CDH11: variants seen among roughly 807,000 people sequenced by gnomAD.
The protein encoded by CDH11 is cadherin 11, also known as cadherin-11.
A neutral mutation model predicts 67.8 loss-of-function variants in CDH11; 11 were observed. That is an observed-to-expected ratio of 0.16 (90% CI 0.10 to 0.27). The LOEUF (loss-of-function observed/expected upper bound fraction) is 0.27, where lower values mean the gene tolerates loss of function less well. CDH11 is among the 10% of genes least tolerant of loss of function. The pLI, the probability that CDH11 is intolerant of heterozygous loss-of-function variation, is 1.00. For missense variants in CDH11, 847 were observed against 1,031.2 expected, an observed-to-expected ratio of 0.82 and a Z score of 2.45; for synonymous variants, 419 against 400.0, an observed-to-expected ratio of 1.05 and a Z score of -0.57.
intron 11 of CDH11, among the ~76,000 whole-genome samples, chr16:64,954,078 C>T (rs1286338579): frequency 6.6e-6 from 1 of 152,208 alleles, no homozygotes; most frequent in African/African-American, 2.4e-5. Context: ...GTAATTGAAA[C>T]TCAAACACCA....
intron 1 of CDH11, among the ~76,000 whole-genome samples, chr16:65,105,959 C>T (rs2075059932): frequency 6.6e-6 from 1 of 152,186 alleles, no homozygotes; most frequent in Non-Finnish European, 1.5e-5. Context: ...GCTTTGTTTT[C>T]ACAACTGTTC....
chr16:65,110,772 A>T (rs2075143542), intron 1 of CDH11, among the ~76,000 whole-genome samples: 1 of 151,932 alleles, frequency 6.6e-6, no homozygotes, highest in African/African-American at 2.4e-5. Flanking sequence ...TGGCCCTTTA[A>T]GCCCCTGGAG....
rs545816932 is a variant in CDH11, at chr16:64,993,261, A to G, written c.524-227T>C. Among the ~76,000 whole-genome samples, 9 of 148,392 alleles carry G rather than the reference A, an allele frequency of 6.1e-5. No homozygotes were observed. In the East Asian group the frequency reaches 1.8e-3, roughly 30 times the overall value. On this transcript the variant is annotated intron_variant, in intron 4 of 12. Coordinates refer to ENST00000268603, the MANE Select transcript of CDH11 (RefSeq NM_001797.4). ...GCTCTATAAAAATGGCCACAGTTTA[A>G]AAATGAACTTTCTGTATTTATAGTA... is the stretch of plus-strand genomic sequence containing the variant.
At chr16:65,017,418 T>C (rs1210785138) in intron 2 of CDH11, among the ~76,000 whole-genome samples, 1 of 152,168 alleles carries the variant, frequency 6.6e-6, no homozygotes, top group Non-Finnish European at 1.5e-5. Flanking sequence ...TATTAGGGTC[T>C]CTTTTATTCA....
At chr16:64,964,081 C>T (rs990727113) in intron 11 of CDH11, among the ~76,000 whole-genome samples, 1 of 152,068 alleles carries the variant, frequency 6.6e-6, no homozygotes, top group Non-Finnish European at 1.5e-5. Flanking sequence ...TTTAATTGAC[C>T]TAACACAATA....
chr16:64,974,561 C>T (rs2072109418), intron 8 of CDH11, among the ~76,000 whole-genome samples: 1 of 152,166 alleles, frequency 6.6e-6, no homozygotes, highest in Non-Finnish European at 1.5e-5. Context: ...CGGCACTTCA[C>T]AGTATACAAA....
At chr16:64,979,477 C>T (rs2072270036) in intron 8 of CDH11, among the ~76,000 whole-genome samples, 3 of 151,932 alleles carry the variant, frequency 2.0e-5, no homozygotes, top group South Asian at 2.1e-4. Context: ...ATAAAAGATG[C>T]TTGGTGTCAC....
chr16:64,948,679 C>CA (rs1229664133), intron 12 of CDH11: 5 of 1,608,536 alleles, frequency 3.1e-6, no homozygotes, highest in Non-Finnish European at 4.2e-6. Flanking sequence ...CCCCAGAAGA[C>CA]AAAATCTTCT....
intron 2 of CDH11, among the ~76,000 whole-genome samples, chr16:65,036,712 A>C (rs1280070875): frequency 1.3e-5 from 2 of 152,134 alleles, no homozygotes; most frequent in African/African-American, 4.8e-5. Context: ...TCCAAAATGC[A>C]GACCCCCCTC....
chr16:65,010,965 A>G (rs201305424), intron 2 of CDH11, among the ~76,000 whole-genome samples: 158 of 103,752 alleles, frequency 1.5e-3, no homozygotes, highest in Middle Eastern at 5.1e-3. Context: ...ATATATATAT[A>G]TGTGTTTATA....
At chr16:65,089,185 T>C (rs1305559064) in intron 1 of CDH11, among the ~76,000 whole-genome samples, 1 of 152,088 alleles carries the variant, frequency 6.6e-6, no homozygotes, top group Non-Finnish European at 1.5e-5. Context: ...ATGAGTAACT[T>C]TCCTGCAACT....
chr16:65,001,800 TA>T (rs34584816), intron 3 of CDH11, among the ~76,000 whole-genome samples: 30 of 143,126 alleles, frequency 2.1e-4, no homozygotes, highest in South Asian at 4.5e-4. Context: ...ACACACACAT[TA>T]AAAAAAAAAA....
At chr16:64,986,511 C>T (rs1366100961) in intron 7 of CDH11, 1 of 151,874 alleles carries the variant, frequency 6.6e-6, no homozygotes. Flanking sequence ...ATTACATGAA[C>T]AGCAAAGGAT....
chr16:65,014,720 T>A (rs903574064), intron 2 of CDH11, among the ~76,000 whole-genome samples: 34 of 139,892 alleles, frequency 2.4e-4, no homozygotes, highest in South Asian at 6.6e-4. Flanking sequence ...ACGACGCAGA[T>A]GTAGACGGTT....
intron 1 of CDH11, among the ~76,000 whole-genome samples, chr16:65,111,303 A>G (rs564339916): frequency 1.3e-5 from 2 of 152,344 alleles, no homozygotes; most frequent in South Asian, 2.1e-4. Context: ...AGATACTGAC[A>G]TTAACCCCAG....
intron 1 of CDH11, among the ~76,000 whole-genome samples, chr16:65,104,854 C>T (rs1351205894): frequency 6.6e-6 from 1 of 152,186 alleles, no homozygotes; most frequent in East Asian, 1.9e-4. Flanking sequence ...CCCCAAAAGA[C>T]AAGGAAGTAC....
At chr16:64,998,928 G>C (rs2142511649) in intron 3 of CDH11, 72 bp from the exon 4 acceptor site, 1 of 1,222,174 alleles carries the variant, frequency 8.2e-7, no homozygotes, top group East Asian at 2.4e-5. Context: ...ACAAGTGATT[G>C]CAACAATCTG....
intron 2 of CDH11, among the ~76,000 whole-genome samples, chr16:65,023,697 A>G (rs1021047354): frequency 2.0e-5 from 3 of 152,140 alleles, no homozygotes; most frequent in Non-Finnish European, 4.4e-5. Context: ...TAGACCATAT[A>G]TGGTAGCTTT....
intron 2 of CDH11, among the ~76,000 whole-genome samples, chr16:65,009,203 A>G (rs1229553103): frequency 6.6e-6 from 1 of 152,176 alleles, no homozygotes; most frequent in Non-Finnish European, 1.5e-5. Context: ...GATAATTTAA[A>G]TTTTGGTAGC....
Sources: gnomAD v4.1 joint callset for allele counts (sites outside exome capture counted in the v4.1 genomes callset) on GRCh38, gnomAD v4.1.1 for gene constraint, MANE v1.5 for transcripts, NCBI Gene and HGNC (gene_info 2026-07-23, HGNC 2026-07-21) for gene names.